Variants in OTUD7B observed in about 807,000 individuals in gnomAD.
OTUD7B encodes the protein OTU deubiquitinase 7B.
In OTUD7B, 34 loss-of-function variants were observed where a neutral mutation model predicts 82.2. The observed-to-expected ratio is 0.41, with a 90% CI of 0.31 to 0.55. The LOEUF is 0.55. Among genes scored for constraint, OTUD7B ranks in the 20% least tolerant of loss-of-function variants. OTUD7B has a pLI of 0.20. For missense variants in OTUD7B, 944 were observed against 1,062.1 expected (o/e 0.89, Z 1.55); for synonymous variants, 398 against 402.7 (o/e 0.99, Z 0.14).
At chr1:150,041,502 T>G in the OTUD7B span, among the ~76,000 whole-genome samples, 1 of 152,120 alleles carries the variant, frequency 6.6e-6, no homozygotes, top group Non-Finnish European at 1.5e-5. Context: ...CCGGCTAATT[T>G]TTTGTATTTT....
chr1:149,949,412 T>A (rs962153643), intron 9 of OTUD7B, among the ~76,000 whole-genome samples: 18 of 151,996 alleles, frequency 1.2e-4, no homozygotes, highest in African/African-American at 4.3e-4. Context: ...ACCTTAATCA[T>A]AAGCCTTTAC....
chr1:150,018,287 T>C, the OTUD7B span, among the ~76,000 whole-genome samples: 1 of 152,134 alleles, frequency 6.6e-6, no homozygotes, highest in Non-Finnish European at 1.5e-5. Context: ...ACACTGCCTA[T>C]AGCAGGAAAG....
intron 7 of OTUD7B, among the ~76,000 whole-genome samples, chr1:149,954,471 G>A (rs1648507378): frequency 6.6e-6 from 1 of 152,140 alleles, no homozygotes; most frequent in South Asian, 2.1e-4. Context: ...GAGGATTCTT[G>A]CATCGATGTT....
intron 2 of OTUD7B, among the ~76,000 whole-genome samples, chr1:149,972,786 A>G (rs1553777866): frequency 6.6e-6 from 1 of 152,224 alleles, no homozygotes. Context: ...TGCATGAACG[A>G]GTGACATCTG....
chr1:150,043,406 T>C, the OTUD7B span, among the ~76,000 whole-genome samples: 47 of 152,330 alleles, frequency 3.1e-4, 1 homozygote, highest in East Asian at 6.8e-3. Flanking sequence ...ATGCCACTTA[T>C]GTGAAAAATA....
intron 7 of OTUD7B, among the ~76,000 whole-genome samples, chr1:149,958,448 C>T (rs1242091151): frequency 6.7e-6 from 1 of 149,166 alleles, no homozygotes; most frequent in African/African-American, 2.5e-5. Context: ...CTGCCTCAGC[C>T]TCTCGAGTAG....
the OTUD7B span, among the ~76,000 whole-genome samples, chr1:150,065,588 C>T: frequency 6.6e-6 from 1 of 152,090 alleles, no homozygotes; most frequent in Non-Finnish European, 1.5e-5. Context: ...AATAAGTAGG[C>T]ACTTCATATT....
chr1:149,967,258 A>T, intron 4 of OTUD7B, 36 bp downstream of exon 4: 1 of 1,446,548 alleles, frequency 6.9e-7, no homozygotes, highest in Non-Finnish European at 9.7e-7. Context: ...GGTGGAGAGT[A>T]GAGGGAAGAG....
upstream of OTUD7B, among the ~76,000 whole-genome samples, chr1:150,013,947 T>TACACACACAC: frequency 9.6e-6 from 1 of 104,388 alleles, no homozygotes; most frequent in South Asian, 3.2e-4. Context: ...AATATATATA[T>TACACACACAC]ACACACACAC....
At chr1:150,018,591 T>C in the OTUD7B span, among the ~76,000 whole-genome samples, 1 of 152,178 alleles carries the variant, frequency 6.6e-6, no homozygotes, top group South Asian at 2.1e-4. Flanking sequence ...ATTCTACTGA[T>C]GTATCTAAGC....
chr1:149,983,049 G>C (rs1459755832), intron 1 of OTUD7B, among the ~76,000 whole-genome samples: 1 of 151,814 alleles, frequency 6.6e-6, no homozygotes, highest in Non-Finnish European at 1.5e-5. Context: ...TAGAGAGGGG[G>C]TTTCACCGTG....
chr1:150,028,219 G>C, the OTUD7B span, among the ~76,000 whole-genome samples: 4 of 152,140 alleles, frequency 2.6e-5, no homozygotes, highest in East Asian at 3.8e-4. Context: ...CAAACACATA[G>C]AGCCAAGCAA....
chr1:150,044,682 T>A, the OTUD7B span, among the ~76,000 whole-genome samples: 8 of 149,374 alleles, frequency 5.4e-5, no homozygotes, highest in African/African-American at 2.0e-4. Context: ...AAAATAATAA[T>A]AATGATAATA....
chr1:150,041,036 T>A, the OTUD7B span, among the ~76,000 whole-genome samples: 1 of 151,886 alleles, frequency 6.6e-6, no homozygotes, highest in East Asian at 1.9e-4. Context: ...ATTAAAAAAA[T>A]TTGTTTCATC....
At chr1:149,986,273 A>ACACACACACACACACACG (rs1228786112) in intron 1 of OTUD7B, among the ~76,000 whole-genome samples, 1 of 151,186 alleles carries the variant, frequency 6.6e-6, no homozygotes, top group African/African-American at 2.4e-5. Flanking sequence ...ACACACACAC[A>ACACACACACACACACACG]GTACTGTTGA....
the OTUD7B span, among the ~76,000 whole-genome samples, chr1:150,042,579 C>T: frequency 6.6e-6 from 1 of 152,068 alleles, no homozygotes; most frequent in Non-Finnish European, 1.5e-5. Context: ...TCATTTCCAC[C>T]CAGAGAACTA....
chr1:149,946,656 C>T (rs1296012188), intron 11 of OTUD7B, among the ~76,000 whole-genome samples: 2 of 148,108 alleles, frequency 1.4e-5, no homozygotes, highest in Non-Finnish European at 3.0e-5. Context: ...GCAGGAGAAT[C>T]ACTTGAACCT....
chr1:150,056,950 A>C, the OTUD7B span, among the ~76,000 whole-genome samples: 1 of 152,194 alleles, frequency 6.6e-6, no homozygotes, highest in Non-Finnish European at 1.5e-5. Context: ...TAGCTTCAAC[A>C]CATCTCTCCA....
intron 1 of OTUD7B, among the ~76,000 whole-genome samples, chr1:149,987,138 C>G (rs1553781027): frequency 6.6e-6 from 1 of 152,210 alleles, no homozygotes; most frequent in Non-Finnish European, 1.5e-5. Context: ...GATGAAGATA[C>G]TAAAGCTCAC....
Sources: gnomAD v4.1 joint callset for allele counts (sites outside exome capture counted in the v4.1 genomes callset) on GRCh38, gnomAD v4.1.1 for gene constraint, MANE v1.5 for transcripts, NCBI Gene and HGNC (gene_info 2026-07-23, HGNC 2026-07-21) for gene names.